Variants in OSBPL5 observed in about 807,000 individuals in gnomAD.
OSBPL5 encodes the protein oxysterol-binding protein-related protein 5.
OSBPL5 carries 71 observed loss-of-function variants against 111.2 expected under a neutral mutation model. The ratio of observed to expected loss-of-function variants is 0.64; its 90% CI spans 0.53 to 0.78. OSBPL5 has a LOEUF of 0.78. Ranked by LOEUF, OSBPL5 falls within the 30% of genes least tolerant of loss-of-function variation. The pLI, the probability that OSBPL5 is intolerant of heterozygous loss-of-function variation, is 0.00. For synonymous variants in OSBPL5, 549 were observed against 513.9 expected, an observed-to-expected ratio of 1.07 and a Z score of -0.93; for missense variants, 1,210 against 1,189.3, an observed-to-expected ratio of 1.02 and a Z score of -0.26.
At position 3,126,585 on chromosome 11, in the gene OSBPL5, A is replaced by T. The variant is rs1483751962; in HGVS notation, c.137-30T>A. ...AAGAGAGCAGTGGGAGTGAGGACCC[A>T]GGCATGGTGGCGTGGCCAGGCTTCT... is the stretch of plus-strand genomic sequence containing the variant. On this transcript the variant is annotated intron_variant, in intron 2 of 21. Transcript: ENST00000263650. The surrounding 1 kb of genome is among the most constrained non-coding windows in gnomAD (Gnocchi z 6.5). The T allele has an allele frequency of 6.3e-7, 1 of 1,586,942 alleles. No homozygotes were observed. Among genetic ancestry groups the T allele is most frequent in the Non-Finnish European group, 8.6e-7 (1 of 1,167,430 alleles).
At chr11:3,096,992 GAGA>G (rs71035479) in intron 14 of OSBPL5, among the ~76,000 whole-genome samples, 274 of 4,410 alleles carry the variant, frequency 0.062, no homozygotes, top group East Asian at 0.26. Context: ...GTGGGAGGAG[GAGA>G]AGAGGAAAGA....
intron 11 of OSBPL5, 134 bp from the exon 12 acceptor site, chr11:3,102,415 T>C: frequency 1.3e-6 from 1 of 757,532 alleles, no homozygotes; most frequent in Non-Finnish European, 2.3e-6. Flanking sequence ...GCTGCTAGCA[T>C]CTGGGAACAA....
At chr11:3,163,863 A>T (rs4525212) in intron 1 of OSBPL5, 123,002 of 152,238 alleles carry the variant, frequency 0.81, 50,072 homozygotes, top group African/African-American at 0.86. Flanking sequence ...GCCTGAGACC[A>T]GAAGGGAGCA....
intron 1 of OSBPL5, among the ~76,000 whole-genome samples, chr11:3,159,668 C>T (rs1279536998): frequency 6.6e-6 from 1 of 152,170 alleles, no homozygotes; most frequent in Non-Finnish European, 1.5e-5. Flanking sequence ...CCGGCAGAGA[C>T]AGGGTGCACC....
chr11:3,088,887 A>G (rs1856963239), intron 21 of OSBPL5, among the ~76,000 whole-genome samples: 1 of 151,546 alleles, frequency 6.6e-6, no homozygotes, highest in South Asian at 2.1e-4. Flanking sequence ...GAGATCTTGG[A>G]CTCCAGCCTC....
At position 3,122,200 on chromosome 11, in the gene OSBPL5, AGAGGAAGTAG is replaced by A. The variant is rs534329575; in HGVS notation, c.301-112_301-103del. 5.0e-4 allele frequency: 688 copies of A among 1,363,866 alleles called. 4 individuals are homozygous for A. In the African/African-American group the frequency reaches 8.8e-3, roughly 17 times the overall value. 84.5% of individuals were successfully genotyped at this position (1,363,866 alleles called of 1,614,324 possible). The stretch of plus-strand genomic sequence containing the variant: ...GGATGGGTCCAGGGGCAGGGGCAGG[AGAGGAAGTAG>A]GAGGAAGTAGGGGGTGTGGAGGCGA... On this transcript the variant is annotated intron_variant, in intron 4 of 21. Transcript: ENST00000263650.
At position 3,162,794 on chromosome 11, in the gene OSBPL5, A is replaced by G. The variant is rs541500715; in HGVS notation, c.-22+2422T>C. 4.6e-5 allele frequency among the ~76,000 whole-genome samples: 7 copies of G among 152,092 alleles called. No individual in the cohort carries two copies. The South Asian group carries it at 1.5e-3, about 32-fold the overall frequency. ...TCATCAAGCAAAGCTGGCATCGAGA[A>G]CAATATTCTTTTCCTTTGTGCCGGT... On this transcript the variant is annotated intron_variant, in intron 1 of 21. Transcript: ENST00000263650. The surrounding 1 kb of genome is among the most constrained non-coding windows in gnomAD (Gnocchi z 8.1).
chr11:3,139,448 G>A (rs916043631), intron 1 of OSBPL5, among the ~76,000 whole-genome samples: 1 of 152,220 alleles, frequency 6.6e-6, no homozygotes, highest in African/African-American at 2.4e-5. Context: ...GGCAGAGGTG[G>A]AGACAGACCC....
Position 3,103,886 on chromosome 11 carries a change from C to CCCTTCCTGCCTCTG in OSBPL5, c.1244+306_1244+307insCAGAGGCAGGAAGG, listed in dbSNP as rs1327640103. On this transcript the variant is annotated intron_variant, in intron 10 of 21. Transcript: ENST00000263650. ...CAGCCCCCTTCCTGCCTCTGTAGCC[C>CCCTTCCTGCCTCTG]CATTCCTGCCTCTGCAGCCCCCTTC... Among the ~76,000 whole-genome samples, 327 of 50,594 alleles carry CCCTTCCTGCCTCTG rather than the reference C, an allele frequency of 6.5e-3. 21 individuals carry two copies. The highest frequency in any genetic ancestry group is 9.3e-3 in the South Asian group (14 of 1,508). 33.2% of individuals were successfully genotyped at this position (50,594 alleles called of 152,430 possible).
At chr11:3,155,227 A>T (rs1846716988) in intron 1 of OSBPL5, among the ~76,000 whole-genome samples, 1 of 152,168 alleles carries the variant, frequency 6.6e-6, no homozygotes, top group Admixed American at 6.5e-5. Context: ...GGGCCTTCCT[A>T]GGACAGTTGG....
intron 14 of OSBPL5, among the ~76,000 whole-genome samples, chr11:3,095,310 CAAAAAA>C (rs60973769): frequency 1.9e-5 from 2 of 105,696 alleles, no homozygotes; most frequent in Admixed American, 1.0e-4. Flanking sequence ...GACTCTGTCT[CAAAAAA>C]AAAAAAAAAA....
rs1323831402 is a variant in OSBPL5, at chr11:3,141,304, G to A, written c.-21-12135C>T. ...TTGACCAAGCGCCTCCTGCTCACCC[G>A]GGAACACACCCTCGGGTCCAGCATC... is the stretch of plus-strand genomic sequence containing the variant. On this transcript the variant is annotated intron_variant, in intron 1 of 21. Coordinates refer to ENST00000263650, the MANE Select transcript of OSBPL5 (RefSeq NM_020896.4). The surrounding 1 kb of genome is among the most constrained non-coding windows in gnomAD (Gnocchi z 6.5). Among the ~76,000 whole-genome samples, 1 of 151,100 alleles carries A rather than the reference G, an allele frequency of 6.6e-6. No homozygotes were observed. The highest frequency in any genetic ancestry group is 1.5e-5 in the Non-Finnish European group (1 of 67,984).
chr11:3,103,913 T>C (rs71457963), intron 10 of OSBPL5, among the ~76,000 whole-genome samples: 1 of 136,822 alleles, frequency 7.3e-6, no homozygotes, highest in African/African-American at 2.9e-5. Flanking sequence ...GCCCCCTTCC[T>C]GCCTCTGCAG....
intron 7 of OSBPL5, among the ~76,000 whole-genome samples, chr11:3,119,187 T>G (rs1361497562): frequency 6.6e-6 from 1 of 152,028 alleles, no homozygotes; most frequent in East Asian, 1.9e-4. Flanking sequence ...TTTTTGTATT[T>G]TTTAGTAGAG....
At chr11:3,143,636 G>A (rs575428254) in intron 1 of OSBPL5, among the ~76,000 whole-genome samples, 2 of 152,360 alleles carry the variant, frequency 1.3e-5, no homozygotes, top group African/African-American at 4.8e-5. Flanking sequence ...CCACGCCCAC[G>A]CAGTGTCCAG....
Position 3,088,345 on chromosome 11 carries a change from T to C in OSBPL5, c.2502-2A>G. ...GAGCTCAGCATGGCCGAGAGGTGCC[T>C]GCAAGGACAGGCGACAGATCGTGGG... is the stretch of plus-strand genomic sequence containing the variant. On this transcript the variant is annotated splice_acceptor_variant, in intron 21 of 21. Transcript: ENST00000263650. LOFTEE classifies it high-confidence loss of function. The C allele has an allele frequency of 6.4e-7, 1 of 1,560,170 alleles. No individual in the cohort carries two copies.
chr11:3,099,746 G>T (rs1406670590), intron 14 of OSBPL5, among the ~76,000 whole-genome samples: 1 of 152,122 alleles, frequency 6.6e-6, no homozygotes, highest in East Asian at 1.9e-4. Flanking sequence ...CAGTAAAATA[G>T]CATCTACATG....
At chr11:3,115,528 C>A (rs1053789898) in intron 7 of OSBPL5, among the ~76,000 whole-genome samples, 1 of 152,162 alleles carries the variant, frequency 6.6e-6, no homozygotes, top group East Asian at 1.9e-4. Context: ...TTCAACTCCT[C>A]AAGGCCCAGA....
intron 20 of OSBPL5, 134 bp downstream of exon 20, chr11:3,090,424 G>T: frequency 7.9e-7 from 1 of 1,272,192 alleles, no homozygotes. Flanking sequence ...GGCCCCTCAG[G>T]GCAGCAGAGG....
Sources: gnomAD v4.1 joint callset for allele counts (sites outside exome capture counted in the v4.1 genomes callset) on GRCh38, gnomAD v4.1.1 for gene constraint, Gnocchi (gnomAD v3.1) non-coding constraint, MANE v1.5 for transcripts, NCBI Gene and HGNC (gene_info 2026-07-23, HGNC 2026-07-21) for gene names.